The following DRC11 variants were observed in gnomAD, a reference collection of about 807,000 sequenced individuals.
DRC11 encodes dynein regulatory complex subunit 11, also known as IQ and AAA domain-containing protein 1.
chr2:236,461,482 T>C, the DRC11 span, among the ~76,000 whole-genome samples: 1 of 152,230 alleles, frequency 6.6e-6, no homozygotes, highest in East Asian at 1.9e-4. This position sits in a 1 kb window ranked among gnomAD's most constrained non-coding sequence, Gnocchi z 4.0. Context: ...ATTATGTAAT[T>C]GAATAAGAAT....
the DRC11 span, among the ~76,000 whole-genome samples, chr2:236,436,294 C>T: frequency 6.6e-6 from 1 of 151,746 alleles, no homozygotes; most frequent in Non-Finnish European, 1.5e-5. Flanking sequence ...AATGTTTTTC[C>T]TCAGTTATCA....
the DRC11 span, among the ~76,000 whole-genome samples, chr2:236,392,888 T>C: frequency 6.6e-6 from 1 of 152,260 alleles, no homozygotes; most frequent in Non-Finnish European, 1.5e-5. This position sits in a 1 kb window ranked among gnomAD's most constrained non-coding sequence, Gnocchi z 5.1. Context: ...ACTTTTTGGA[T>C]GTTTTTGAAA....
chr2:236,354,031 T>G, the DRC11 span, among the ~76,000 whole-genome samples: 4 of 152,100 alleles, frequency 2.6e-5, no homozygotes, highest in Non-Finnish European at 5.9e-5. Context: ...AAACCATAGA[T>G]GATCATCAAA....
the DRC11 span, among the ~76,000 whole-genome samples, chr2:236,409,257 A>G: frequency 1.8e-4 from 28 of 152,182 alleles, no homozygotes; most frequent in Non-Finnish European, 3.4e-4. Flanking sequence ...GGCACACACC[A>G]TCATGCCTGG....
At chr2:236,493,893 G>T in the DRC11 span, 2 of 1,585,436 alleles carry the variant, frequency 1.3e-6, no homozygotes, top group Admixed American at 3.6e-5. Context: ...TGTTGCTAGA[G>T]AAGAGAAAGA....
chr2:236,406,001 G>A, the DRC11 span, among the ~76,000 whole-genome samples: 1 of 152,196 alleles, frequency 6.6e-6, no homozygotes, highest in Non-Finnish European at 1.5e-5. This position sits in a 1 kb window ranked among gnomAD's most constrained non-coding sequence, Gnocchi z 4.7. Flanking sequence ...AATAAGGGGG[G>A]ACTAGTGCAT....
At chr2:236,499,380 C>A in the DRC11 span, among the ~76,000 whole-genome samples, 18 of 152,172 alleles carry the variant, frequency 1.2e-4, no homozygotes, top group African/African-American at 3.1e-4. The surrounding 1 kb of genome is among the most constrained non-coding windows in gnomAD (Gnocchi z 4.7). Context: ...GTCCCACATT[C>A]TCTGCCCTTC....
the DRC11 span, chr2:236,363,776 A>G: frequency 8.7e-6 from 14 of 1,603,370 alleles, no homozygotes; most frequent in African/African-American, 1.6e-4. The surrounding 1 kb of genome is among the most constrained non-coding windows in gnomAD (Gnocchi z 5.6). Flanking sequence ...AATGTAATCC[A>G]TACCTTGAAG....
chr2:236,309,176 C>T, the DRC11 span, among the ~76,000 whole-genome samples: 45 of 152,292 alleles, frequency 3.0e-4, no homozygotes, highest in East Asian at 4.1e-3. This position sits in a 1 kb window ranked among gnomAD's most constrained non-coding sequence, Gnocchi z 5.7. Flanking sequence ...AACTCCCTCG[C>T]GGCGGCTCCC....
chr2:236,388,641 T>C, the DRC11 span, among the ~76,000 whole-genome samples: 993 of 149,752 alleles, frequency 6.6e-3, 29 homozygotes, highest in East Asian at 0.11. Flanking sequence ...TTTGATCGTC[T>C]GAAGCCTTCT....
the DRC11 span, among the ~76,000 whole-genome samples, chr2:236,439,596 T>A: frequency 6.6e-6 from 1 of 152,216 alleles, no homozygotes; most frequent in Non-Finnish European, 1.5e-5. Flanking sequence ...AATTTGTCAA[T>A]ATAATTTCTT....
chr2:236,427,162 C>T, the DRC11 span, among the ~76,000 whole-genome samples: 19 of 152,196 alleles, frequency 1.2e-4, no homozygotes, highest in African/African-American at 3.9e-4. This position sits in a 1 kb window ranked among gnomAD's most constrained non-coding sequence, Gnocchi z 5.9. Context: ...TTTTAATGTG[C>T]TCTTGAATTT....
At chr2:236,464,972 T>C in the DRC11 span, among the ~76,000 whole-genome samples, 1 of 152,230 alleles carries the variant, frequency 6.6e-6, no homozygotes, top group Non-Finnish European at 1.5e-5. Flanking sequence ...CCTGTAAAGC[T>C]TGTAGAGCCT....
At chr2:236,483,216 T>C in the DRC11 span, among the ~76,000 whole-genome samples, 1 of 152,210 alleles carries the variant, frequency 6.6e-6, no homozygotes, top group East Asian at 1.9e-4. The surrounding 1 kb of genome is among the most constrained non-coding windows in gnomAD (Gnocchi z 4.8). Flanking sequence ...GTGTCAGAAT[T>C]TCCTTCTCTT....
At chr2:236,361,575 ATT>A in the DRC11 span, among the ~76,000 whole-genome samples, 1 of 152,206 alleles carries the variant, frequency 6.6e-6, no homozygotes, top group African/African-American at 2.4e-5. The surrounding 1 kb of genome is among the most constrained non-coding windows in gnomAD (Gnocchi z 5.7). Context: ...AGATTCTCAT[ATT>A]TTATGTAAAA....
chr2:236,417,689 G>A, the DRC11 span, among the ~76,000 whole-genome samples: 3 of 151,382 alleles, frequency 2.0e-5, no homozygotes, highest in East Asian at 2.0e-4. Flanking sequence ...TTTAAGCCCC[G>A]AATGCATTAG....
At chr2:236,412,838 G>C in the DRC11 span, 1 of 152,442 alleles carries the variant, frequency 6.6e-6, no homozygotes, top group African/African-American at 2.4e-5. Context: ...AGCTGTCAGA[G>C]ATGCCGATCA....
At chr2:236,493,629 T>C in the DRC11 span, 1 of 648,402 alleles carries the variant, frequency 1.5e-6, no homozygotes, top group African/African-American at 1.9e-5. Context: ...ATGCAACTTC[T>C]TATGTACTGT....
the DRC11 span, among the ~76,000 whole-genome samples, chr2:236,325,595 T>G: frequency 8.7e-5 from 13 of 148,700 alleles, no homozygotes; most frequent in Non-Finnish European, 1.8e-4. This position sits in a 1 kb window ranked among gnomAD's most constrained non-coding sequence, Gnocchi z 4.4. Flanking sequence ...GGTCTTTGTA[T>G]GTCTTTTTTT....
Sources: allele counts gnomAD v4.1 joint callset (sites outside exome capture counted in the v4.1 genomes callset), GRCh38; gene constraint gnomAD v4.1.1; non-coding constraint Gnocchi (gnomAD v3.1); transcripts MANE v1.5; gene names NCBI Gene and HGNC (gene_info 2026-07-23, HGNC 2026-07-21).